CSMD2: variants seen among roughly 807,000 people sequenced by gnomAD.
CSMD2 encodes the protein CUB and sushi domain-containing protein 2.
A neutral mutation model predicts 398.5 loss-of-function variants in CSMD2; 130 were observed. The ratio of observed to expected loss-of-function variants is 0.33; its 90% CI spans 0.28 to 0.38. CSMD2 has a LOEUF of 0.38. Ranked by LOEUF, CSMD2 falls within the 10% of genes least tolerant of loss-of-function variation. The pLI, the probability that CSMD2 is intolerant of heterozygous loss-of-function variation, is 1.00. For synonymous variants in CSMD2, 1,828 were observed against 1,908.5 expected (o/e 0.96, Z 1.10); for missense variants, 3,829 against 4,764.9 (o/e 0.80, Z 5.78).
chr1:34,048,743 C>A (rs1652834546), intron 2 of CSMD2, among the ~76,000 whole-genome samples: 1 of 152,168 alleles, frequency 6.6e-6, no homozygotes, highest in African/African-American at 2.4e-5. Flanking sequence ...CAGCGCTTTG[C>A]AGTGTGCTAC....
chr1:34,129,807 T>G (rs1663144040), intron 1 of CSMD2, among the ~76,000 whole-genome samples: 1 of 152,218 alleles, frequency 6.6e-6, no homozygotes, highest in African/African-American at 2.4e-5. Flanking sequence ...CCGGCAGCAC[T>G]GCAGGAAGGA....
intron 21 of CSMD2, chr1:33,709,573 C>T: frequency 2.3e-6 from 1 of 442,504 alleles, no homozygotes; most frequent in South Asian, 6.8e-5. Context: ...AGCAGCCGTG[C>T]CACATACCTA....
At chr1:34,076,597 C>T (rs12022874) in intron 2 of CSMD2, among the ~76,000 whole-genome samples, 32,969 of 111,248 alleles carry the variant, frequency 0.3, 4,440 homozygotes, top group Admixed American at 0.43. Context: ...CACTGCTCTA[C>T]CTCATGATTC....
At chr1:33,613,309 A>T (rs1039116252) in intron 40 of CSMD2, among the ~76,000 whole-genome samples, 1 of 152,132 alleles carries the variant, frequency 6.6e-6, no homozygotes, top group African/African-American at 2.4e-5. Flanking sequence ...TTGCCTTTGG[A>T]TGTTGCCCTC....
chr1:33,962,439 A>C (rs1645395890), intron 3 of CSMD2, among the ~76,000 whole-genome samples: 1 of 116,656 alleles, frequency 8.6e-6, no homozygotes, highest in South Asian at 3.3e-4. Flanking sequence ...AGCCACTTTC[A>C]AGCAAGGTCA....
At chr1:33,864,857 G>A (rs1639865122) in intron 5 of CSMD2, 1 of 929,882 alleles carries the variant, frequency 1.1e-6, no homozygotes. Context: ...GGAGGAGGGA[G>A]TGGCTTGGTA....
At chr1:33,677,051 C>A (rs1489200257) in intron 25 of CSMD2, among the ~76,000 whole-genome samples, 1 of 152,174 alleles carries the variant, frequency 6.6e-6, no homozygotes, top group Non-Finnish European at 1.5e-5. Context: ...TAGGCATGGG[C>A]AAGGACTTCA....
intron 1 of CSMD2, among the ~76,000 whole-genome samples, chr1:34,135,936 A>G (rs948895965): frequency 6.6e-6 from 1 of 152,114 alleles, no homozygotes; most frequent in Non-Finnish European, 1.5e-5. Flanking sequence ...TTTTTTCACC[A>G]TATGCTCTTC....
chr1:33,611,099 G>A lies in CSMD2; in HGVS notation c.6285C>T (p.Thr2095=), dbSNP rs1342501922. Residue 2095 remains threonine, a synonymous_variant, in exon 41 of 71, where the codon ACC becomes ACT. Transcript: ENST00000373381. ...GGGAGTGGTCGCTGTGGAAATACAC[G>A]GTGGTCTCGTGGGACGTGGAGAGGA... is the stretch of plus-strand genomic sequence containing the variant. The part of the protein sequence containing the change: ...SSLLSTSHET[T]VYFHSDHSQN... The A allele has an allele frequency of 3.7e-6, 6 of 1,614,108 alleles. No homozygotes were observed. The highest frequency in any genetic ancestry group is 3.3e-5 in the Admixed American group (2 of 60,022).
At chr1:33,556,156 G>T (rs768528759) in intron 55 of CSMD2, among the ~76,000 whole-genome samples, 5 of 152,118 alleles carry the variant, frequency 3.3e-5, no homozygotes, top group Non-Finnish European at 5.9e-5. Flanking sequence ...TATGGATAGG[G>T]TCACTTTATT....
rs552425760 is a variant in CSMD2, at chr1:33,858,187, C to T, written c.921-11191G>A. On this transcript the variant is annotated intron_variant, in intron 5 of 70. Transcript: ENST00000373381. Reference sequence around the variant, plus strand: ...CAGATGCTGGTGAAGTTCTATGGGTCATCCAAGTCAGTTGACCTCCTGGAC... The same window carrying T: ...CAGATGCTGGTGAAGTTCTATGGGTTATCCAAGTCAGTTGACCTCCTGGAC... Among the ~76,000 whole-genome samples, 11 of 152,298 alleles carry T rather than the reference C, an allele frequency of 7.2e-5. No individual in the cohort carries two copies. The South Asian group carries it at 2.3e-3, about 32-fold the overall frequency.
chr1:33,752,297 C>T (rs927971626), intron 13 of CSMD2, among the ~76,000 whole-genome samples: 6 of 152,210 alleles, frequency 3.9e-5, no homozygotes, highest in Non-Finnish European at 7.3e-5. Flanking sequence ...AATGGCTTAG[C>T]GCCATCCCCT....
At chr1:33,892,057 A>G (rs1642057041) in intron 5 of CSMD2, among the ~76,000 whole-genome samples, 1 of 147,256 alleles carries the variant, frequency 6.8e-6, no homozygotes, top group Non-Finnish European at 1.5e-5. Flanking sequence ...AATAATAATA[A>G]TAATAATAAT....
intron 6 of CSMD2, 67 bp downstream of exon 6, chr1:33,846,817 G>C (rs1638282857): frequency 1.0e-6 from 1 of 996,792 alleles, no homozygotes; most frequent in Non-Finnish European, 1.5e-6. Flanking sequence ...AGGGAGAGGT[G>C]ATGAGCCCTC....
chr1:33,701,043 T>C (rs1401230462), intron 22 of CSMD2, among the ~76,000 whole-genome samples: 1 of 152,192 alleles, frequency 6.6e-6, no homozygotes, highest in African/African-American at 2.4e-5. Context: ...AAACCATCTG[T>C]TTCTTCAGAG....
chr1:33,763,333 T>C (rs1413462051), intron 13 of CSMD2, among the ~76,000 whole-genome samples: 1 of 152,184 alleles, frequency 6.6e-6, no homozygotes, highest in Non-Finnish European at 1.5e-5. Flanking sequence ...ACCTAATGTC[T>C]AGATCATCTA....
chr1:33,644,156 T>G (rs1643282041), intron 29 of CSMD2, among the ~76,000 whole-genome samples: 1 of 149,964 alleles, frequency 6.7e-6, no homozygotes, highest in Non-Finnish European at 1.5e-5. Context: ...GGTTATGGTT[T>G]AGACCTAAAG....
At chr1:34,134,285 G>A (rs1436256703) in intron 1 of CSMD2, among the ~76,000 whole-genome samples, 3 of 152,074 alleles carry the variant, frequency 2.0e-5, no homozygotes, top group Non-Finnish European at 2.9e-5. Flanking sequence ...GTCTGGAGAG[G>A]GGAAAGCCAT....
At position 33,624,790 on chromosome 1, in the gene CSMD2, C is replaced by T. The variant is rs1641998440; in HGVS notation, c.5501-147G>A. 8 of 1,140,962 alleles carry T rather than the reference C, an allele frequency of 7.0e-6. No individual in the cohort carries two copies. The highest frequency in any genetic ancestry group is 2.6e-4 in the Middle Eastern group (1 of 3,918). The allele number at this position is 1,140,962 out of a possible 1,614,324, so 70.7% of individuals were successfully genotyped here. ...AATGTCCCCAGTCCTGCCTTCTCCA[C>T]GGCCTCTCCCCATGCAACTCTGTTC... On this transcript the variant is annotated intron_variant, in intron 34 of 70. Coordinates refer to ENST00000373381, the MANE Select transcript of CSMD2 (RefSeq NM_001281956.2). This position sits in a 1 kb window ranked among gnomAD's most constrained non-coding sequence, Gnocchi z 4.7.
Sources: gnomAD v4.1 joint callset for allele counts (sites outside exome capture counted in the v4.1 genomes callset) on GRCh38, gnomAD v4.1.1 for gene constraint, Gnocchi (gnomAD v3.1) non-coding constraint, MANE v1.5 for transcripts, NCBI Gene and HGNC (gene_info 2026-07-23, HGNC 2026-07-21) for gene names.